Variants in LRFN2 observed in about 807,000 individuals in gnomAD.
The protein encoded by LRFN2 is leucine-rich repeat and fibronectin type-III domain-containing protein 2.
Under a neutral mutation model 37.3 loss-of-function variants are expected in LRFN2, and 18 were observed. That is an observed-to-expected ratio of 0.48 (90% confidence interval 0.33 to 0.72). The LOEUF (loss-of-function observed/expected upper bound fraction) is 0.72, where lower values mean the gene tolerates loss of function less well. Ranked by LOEUF, LRFN2 falls within the 30% of genes least tolerant of loss-of-function variation. The probability of loss-of-function intolerance (pLI) is 0.02; values close to 1 mark genes in which losing one functional copy is unlikely to be tolerated. For missense variants in LRFN2, 1,006 were observed against 1,060.7 expected (o/e 0.95, Z 0.72); for synonymous variants, 556 against 466.6 (o/e 1.19, Z -2.47).
Position 40,432,817 on chromosome 6 carries a change from G to A in LRFN2, c.297C>T (p.Leu99=), listed in dbSNP as rs187891955. Residue 99 remains leucine (L), a synonymous_variant, in exon 2 of 3, where the codon CTC becomes CTT. Transcript: ENST00000338305. ...SHIQPFSFLD[L]ESLRSLHLDS... is the part of the protein sequence containing the mutation. ...CAAGATGCAGGGAGCGGAGGCTCTC[G>A]AGGTCCAGAAAGGAAAAGGGCTGGA... 18 of 1,614,208 alleles carry A rather than the reference G, an allele frequency of 1.1e-5. No homozygotes were observed. The highest frequency in any genetic ancestry group is 3.3e-5 in the Admixed American group (2 of 60,026).
chr6:40,484,994 C>T (rs148653381), intron 1 of LRFN2, among the ~76,000 whole-genome samples: 1 of 152,152 alleles, frequency 6.6e-6, no homozygotes, highest in Non-Finnish European at 1.5e-5. Context: ...CTGTAAGAGA[C>T]CCCAAAAAAG....
chr6:40,435,563 G>T (rs1431643356), intron 1 of LRFN2, among the ~76,000 whole-genome samples: 1 of 151,568 alleles, frequency 6.6e-6, no homozygotes, highest in Non-Finnish European at 1.5e-5. Context: ...TTTTGAGACG[G>T]AGTCTGGCTC....
At chr6:40,516,614 C>T (rs1177187077) in intron 1 of LRFN2, among the ~76,000 whole-genome samples, 2 of 152,134 alleles carry the variant, frequency 1.3e-5, no homozygotes, top group Non-Finnish European at 2.9e-5. Context: ...AATGGGTTCT[C>T]CCCCAGCATC....
At chr6:40,455,794 A>T (rs1248220096) in intron 1 of LRFN2, among the ~76,000 whole-genome samples, 1 of 152,200 alleles carries the variant, frequency 6.6e-6, no homozygotes, top group Non-Finnish European at 1.5e-5. Context: ...ATGACATTGC[A>T]GGGCAGAGGA....
intron 1 of LRFN2, among the ~76,000 whole-genome samples, chr6:40,572,163 C>T (rs1377327141): frequency 4.6e-5 from 7 of 152,222 alleles, no homozygotes; most frequent in Non-Finnish European, 1.0e-4. Context: ...TACTTAAACC[C>T]TCTATATCAC....
At chr6:40,523,817 C>T (rs1425827165) in intron 1 of LRFN2, 1 of 152,242 alleles carries the variant, frequency 6.6e-6, no homozygotes. Context: ...CAGGTCTGTG[C>T]TTGAGCTCCT....
At chr6:40,411,931 G>A (rs1488496859) in intron 2 of LRFN2, among the ~76,000 whole-genome samples, 1 of 152,018 alleles carries the variant, frequency 6.6e-6, no homozygotes, top group Non-Finnish European at 1.5e-5. Flanking sequence ...TTTGTTGACC[G>A]ATGTGTTCTA....
intron 1 of LRFN2, among the ~76,000 whole-genome samples, chr6:40,499,877 T>C (rs2436733): frequency 0.32 from 48,845 of 152,080 alleles, 8,964 homozygotes; most frequent in East Asian, 0.5. Context: ...TTTCTGTGCC[T>C]CAGTTTTCTC....
chr6:40,500,422 A>G (rs1021675471), intron 1 of LRFN2, among the ~76,000 whole-genome samples: 10 of 152,214 alleles, frequency 6.6e-5, no homozygotes, highest in African/African-American at 2.4e-4. Context: ...GCAGGCGGCT[A>G]ATAGCTTGCA....
At chr6:40,570,375 G>A (rs910353180) in intron 1 of LRFN2, among the ~76,000 whole-genome samples, 2 of 152,068 alleles carry the variant, frequency 1.3e-5, no homozygotes, top group Non-Finnish European at 2.9e-5. Flanking sequence ...ACCTCTGTGG[G>A]GGCAGGTATT....
chr6:40,432,160 G>A lies in LRFN2; in HGVS notation c.954C>T (p.Pro318=), dbSNP rs1298890886. The A allele has an allele frequency of 2.5e-6, 4 of 1,613,850 alleles. No homozygotes were observed. Among genetic ancestry groups the A allele is most frequent in the African/African-American group, 1.3e-5 (1 of 75,054 alleles). ...LKCKAIGDPS[P]LIHWVAPDDR... is the part of the protein sequence containing the mutation. ...CATCGGGGGCTACCCAGTGGATAAG[G>A]GGGCTGGGGTCCCCAATGGCTTTGC... The change falls in exon 2 of 3, where the codon CCC becomes CCT. Residue 318 remains proline, a synonymous_variant. Transcript: ENST00000338305.
chr6:40,403,080 C>A (rs1050922967), intron 2 of LRFN2, among the ~76,000 whole-genome samples: 1 of 152,180 alleles, frequency 6.6e-6, no homozygotes, highest in Non-Finnish European at 1.5e-5. Flanking sequence ...CAAGTATGTT[C>A]ACTCTTTGTT....
At chr6:40,455,250 G>A (rs1461815061) in intron 1 of LRFN2, among the ~76,000 whole-genome samples, 1 of 152,172 alleles carries the variant, frequency 6.6e-6, no homozygotes, top group African/African-American at 2.4e-5. Flanking sequence ...TGCAATGCCT[G>A]TGCATCTCTG....
Position 40,392,446 on chromosome 6 carries a change from A to G in LRFN2, c.1867T>C (p.Ser623Pro), listed in dbSNP as rs1434464305. The G allele has an allele frequency of 6.4e-7, 1 of 1,567,354 alleles. No individual in the cohort carries two copies. Among genetic ancestry groups the G allele is most frequent in the Non-Finnish European group, 8.7e-7 (1 of 1,156,036 alleles). The part of the protein sequence containing the change: ...ASLARASDSS[S>P]SSSLGSGEAA... ...TCCCCACTGCCCAGGGAGCTGGAGG[A>G]AGAGGAGTCACTGGCGCGGGCCAGG... Residue 623 changes from serine (S) to proline (P), a missense_variant, in exon 3 of 3, where the codon TCC becomes CCC. Around this residue, in one of 4 missense-constraint regions of LRFN2, gnomAD observed 398 missense variants for 327.6 expected, o/e 1.21. Coordinates refer to ENST00000338305, the MANE Select transcript of LRFN2 (RefSeq NM_020737.3). The surrounding 1 kb of genome is among the most constrained non-coding windows in gnomAD (Gnocchi z 4.7).
At chr6:40,497,346 C>CT (rs1457397579) in intron 1 of LRFN2, among the ~76,000 whole-genome samples, 1 of 152,102 alleles carries the variant, frequency 6.6e-6, no homozygotes, top group Non-Finnish European at 1.5e-5. Flanking sequence ...ACCTGTTGCC[C>CT]TCATAAATTC....
intron 1 of LRFN2, among the ~76,000 whole-genome samples, chr6:40,486,536 TG>T (rs1764963022): frequency 6.6e-6 from 1 of 152,164 alleles, no homozygotes; most frequent in Non-Finnish European, 1.5e-5. Flanking sequence ...GACCTGTGCC[TG>T]GGTAAGGAAT....
intron 2 of LRFN2, among the ~76,000 whole-genome samples, chr6:40,410,696 A>G (rs1762947904): frequency 6.6e-6 from 1 of 152,142 alleles, no homozygotes; most frequent in Non-Finnish European, 1.5e-5. Context: ...CTTACAGACT[A>G]ACACCATCCA....
intron 2 of LRFN2, among the ~76,000 whole-genome samples, chr6:40,398,468 T>G (rs1762661096): frequency 6.6e-6 from 1 of 151,750 alleles, no homozygotes; most frequent in Admixed American, 6.6e-5. Flanking sequence ...CACAGGCACA[T>G]GCAGGTCAGG....
At chr6:40,521,951 T>C (rs1007072133) in intron 1 of LRFN2, among the ~76,000 whole-genome samples, 3 of 152,180 alleles carry the variant, frequency 2.0e-5, no homozygotes, top group Non-Finnish European at 1.5e-5. Flanking sequence ...TGGATTTTCA[T>C]TGGTGGAATG....
Sources: gnomAD v4.1 joint callset for allele counts (sites outside exome capture counted in the v4.1 genomes callset) on GRCh38, gnomAD v4.1.1 for gene constraint, gnomAD v4.1.1 regional missense constraint, Gnocchi (gnomAD v3.1) non-coding constraint, MANE v1.5 for transcripts, NCBI Gene and HGNC (gene_info 2026-07-23, HGNC 2026-07-21) for gene names.